The following ARID5B variants were observed in gnomAD, a reference collection of about 807,000 sequenced individuals.
ARID5B encodes AT-rich interactive domain-containing protein 5B.
ARID5B carries 13 observed loss-of-function variants against 97.2 expected under a neutral mutation model. The ratio of observed to expected loss-of-function variants is 0.13; its 90% CI spans 0.09 to 0.21. The LOEUF (loss-of-function observed/expected upper bound fraction) is 0.21. ARID5B is among the 10% of genes least tolerant of loss of function. The pLI, the probability that ARID5B is intolerant of heterozygous loss-of-function variation, is 1.00. For missense variants in ARID5B, 1,210 were observed against 1,465.3 expected (o/e 0.83, Z 2.84); for synonymous variants, 556 against 570.3 (o/e 0.97, Z 0.36).
At chr10:62,086,424 T>C (rs2132978394) in intron 9 of ARID5B, among the ~76,000 whole-genome samples, 1 of 152,180 alleles carries the variant, frequency 6.6e-6, no homozygotes, top group East Asian at 1.9e-4. Flanking sequence ...ACCCAGTCTC[T>C]ACAAACAAAG....
At chr10:62,055,065 T>G (rs996709062) in intron 5 of ARID5B, among the ~76,000 whole-genome samples, 6 of 152,218 alleles carry the variant, frequency 3.9e-5, no homozygotes, top group Non-Finnish European at 5.9e-5. Context: ...GGAATGGAGC[T>G]CCTTGACACA....
chr10:62,021,635 C>A (rs1200788950), intron 4 of ARID5B, among the ~76,000 whole-genome samples: 1 of 152,192 alleles, frequency 6.6e-6, no homozygotes, highest in African/African-American at 2.4e-5. Context: ...CAGAAACATC[C>A]ATTCTGGCCC....
intron 3 of ARID5B, among the ~76,000 whole-genome samples, chr10:61,988,400 G>A (rs1259906088): frequency 2.0e-5 from 3 of 152,216 alleles, no homozygotes; most frequent in Non-Finnish European, 4.4e-5. Flanking sequence ...TAACCCAGAG[G>A]AGAGGGCTCT....
intron 3 of ARID5B, among the ~76,000 whole-genome samples, chr10:61,966,726 T>C (rs987922641): frequency 6.6e-6 from 1 of 152,184 alleles, no homozygotes; most frequent in African/African-American, 2.4e-5. Context: ...GCTCCTGAAA[T>C]CTTCCTGGTT....
chr10:61,948,971 C>G (rs1474189205), intron 3 of ARID5B, among the ~76,000 whole-genome samples: 1 of 152,210 alleles, frequency 6.6e-6, no homozygotes, highest in Non-Finnish European at 1.5e-5. Flanking sequence ...TTTTTATACA[C>G]AGTAATATTA....
chr10:62,035,218 G>A (rs1397717928), intron 4 of ARID5B, among the ~76,000 whole-genome samples: 13 of 152,194 alleles, frequency 8.5e-5, no homozygotes, highest in Non-Finnish European at 1.9e-4. Context: ...CTCTTTAGCG[G>A]CATTTATGTT....
intron 3 of ARID5B, among the ~76,000 whole-genome samples, chr10:61,997,738 G>A (rs1049952040): frequency 2.6e-5 from 4 of 152,136 alleles, no homozygotes; most frequent in South Asian, 2.1e-4. Flanking sequence ...TAGACAAATC[G>A]AGTATAATAC....
intron 2 of ARID5B, among the ~76,000 whole-genome samples, chr10:61,932,648 G>T (rs921365808): frequency 6.6e-6 from 1 of 152,014 alleles, no homozygotes; most frequent in Admixed American, 6.6e-5. Flanking sequence ...TTCTTAAAAT[G>T]CCATGCATTG....
rs528154667 is a variant in ARID5B, at chr10:61,952,663, G to T, written c.502+12255G>T. On this transcript the variant is annotated intron_variant, in intron 3 of 9. Transcript: ENST00000279873. ...GCACTTCCTAAGACACTCTCTAGTG[G>T]AGAGGCTGTTTCATTGGTACCCTGT... Among the ~76,000 whole-genome samples, 4 of 152,294 alleles carry T rather than the reference G, an allele frequency of 2.6e-5. No individual in the cohort carries two copies. The South Asian group carries it at 8.3e-4, about 32-fold the overall frequency.
intron 4 of ARID5B, among the ~76,000 whole-genome samples, chr10:62,012,004 G>GAA (rs57553903): frequency 2.0e-5 from 3 of 147,674 alleles, no homozygotes; most frequent in Non-Finnish European, 4.5e-5. Context: ...TCAAGGAGGG[G>GAA]AAAAAAAAAA....
chr10:62,023,188 C>T (rs1168112648), intron 4 of ARID5B, among the ~76,000 whole-genome samples: 4 of 152,176 alleles, frequency 2.6e-5, no homozygotes, highest in African/African-American at 7.2e-5. Flanking sequence ...TCTCTGTGGA[C>T]GTGCTTGGTT....
intron 2 of ARID5B, among the ~76,000 whole-genome samples, chr10:61,912,431 C>G (rs1843821528): frequency 6.6e-6 from 1 of 151,722 alleles, no homozygotes; most frequent in Admixed American, 6.6e-5. Flanking sequence ...AGTGTTGTTA[C>G]CACATCAAAA....
chr10:62,069,799 TAAG>T lies in ARID5B; in HGVS notation c.1199+5_1199+7del, dbSNP rs759270413. ...TTGTACCCGCAGACATTATGAAAGG[TAAG>T]AAACCATTTCATGGAATTGCTTAGT... On this transcript the variant is annotated splice_donor_5th_base_variant and intron_variant, in intron 8 of 9. Coordinates refer to ENST00000279873, the MANE Select transcript of ARID5B (RefSeq NM_032199.3). 6.2e-7 allele frequency: 1 copy of T among 1,613,268 alleles called. No individual in the cohort carries two copies. Among genetic ancestry groups the T allele is most frequent in the Non-Finnish European group, 8.5e-7 (1 of 1,179,230 alleles).
At chr10:61,971,657 A>G (rs1838629406) in intron 3 of ARID5B, among the ~76,000 whole-genome samples, 1 of 152,258 alleles carries the variant, frequency 6.6e-6, no homozygotes, top group African/African-American at 2.4e-5. Flanking sequence ...TGTAGTCATT[A>G]TTATAATAAT....
chr10:62,071,161 A>G (rs10740060), intron 8 of ARID5B, among the ~76,000 whole-genome samples: 89,423 of 151,170 alleles, frequency 0.59, 27,161 homozygotes, highest in East Asian at 0.78. Flanking sequence ...TCAGTCTCCC[A>G]AGTAACTGGG....
intron 2 of ARID5B, among the ~76,000 whole-genome samples, chr10:61,915,102 C>T (rs1323320014): frequency 6.6e-6 from 1 of 152,192 alleles, no homozygotes; most frequent in East Asian, 1.9e-4. Context: ...AATAGTAATG[C>T]CATGCACACA....
At chr10:62,024,217 C>T (rs1839391125) in intron 4 of ARID5B, among the ~76,000 whole-genome samples, 1 of 152,158 alleles carries the variant, frequency 6.6e-6, no homozygotes, top group Non-Finnish European at 1.5e-5. Flanking sequence ...GACTCATCTG[C>T]CCTAATTCTA....
intron 3 of ARID5B, among the ~76,000 whole-genome samples, chr10:61,958,020 T>C (rs750276258): frequency 3.3e-4 from 50 of 152,294 alleles, no homozygotes; most frequent in Non-Finnish European, 2.1e-4. Flanking sequence ...GGTTGGTGGG[T>C]TTCCTCTTTT....
chr10:61,929,389 T>C (rs1482593327), intron 2 of ARID5B, among the ~76,000 whole-genome samples: 1 of 152,152 alleles, frequency 6.6e-6, no homozygotes, highest in East Asian at 1.9e-4. Flanking sequence ...TTATTGTCCT[T>C]GGGATGCTAG....
Sources: gnomAD v4.1 joint callset for allele counts (sites outside exome capture counted in the v4.1 genomes callset) on GRCh38, gnomAD v4.1.1 for gene constraint, MANE v1.5 for transcripts, NCBI Gene and HGNC (gene_info 2026-07-23, HGNC 2026-07-21) for gene names.